PDE6C: variants seen among roughly 807,000 people sequenced by gnomAD.
PDE6C encodes phosphodiesterase 6C.
Under a neutral mutation model 113.1 loss-of-function variants are expected in PDE6C, and 75 were observed. The ratio of observed to expected loss-of-function variants is 0.66; its 90% CI spans 0.55 to 0.80. The LOEUF (loss-of-function observed/expected upper bound fraction) is 0.80, where lower values mean the gene tolerates loss of function less well. Ranked by LOEUF, PDE6C falls within the 30% of genes least tolerant of loss-of-function variation. The pLI is 0.00. For synonymous variants in PDE6C, 375 were observed against 363.7 expected (o/e 1.03, Z -0.35); for missense variants, 912 against 1,038.6 (o/e 0.88, Z 1.67).
In PDE6C at chr10:93,665,865, AT is replaced by A. The variant is rs1254241315; in HGVS notation, c.*448del. 1.2e-5 allele frequency: 3 copies of A among 251,428 alleles called. No homozygotes were observed. Among genetic ancestry groups the A allele is most frequent in the Non-Finnish European group, 2.3e-5 (3 of 130,712 alleles). 15.6% of individuals were successfully genotyped at this position (251,428 alleles called of 1,614,324 possible). A position where few individuals can be genotyped will look rare whatever the true frequency, so the allele number is the denominator to read the frequency against. Reference sequence around the variant, plus strand: ...CTCTCAACTTGGTTTGCAGATGGCCATCTTCTCCCTGTGTCTTCACATGGTC... The same window carrying A: ...CTCTCAACTTGGTTTGCAGATGGCCACTTCTCCCTGTGTCTTCACATGGTC... On this transcript the variant is annotated 3_prime_UTR_variant, in exon 22 of 22. Coordinates refer to ENST00000371447, the MANE Select transcript of PDE6C (RefSeq NM_006204.4).
intron 11 of PDE6C, among the ~76,000 whole-genome samples, chr10:93,637,277 T>A (rs907728814): frequency 3.3e-5 from 5 of 152,234 alleles, no homozygotes; most frequent in Non-Finnish European, 7.3e-5. Context: ...TTCATACAGA[T>A]AATTTACAAT....
Position 93,648,760 on chromosome 10 carries a change from T to G in PDE6C, c.1935+2713T>G, listed in dbSNP as rs756664603. ...GCCAAATTTGCACAAGTATAAATTT[T>G]AATACTAGAATATACTGTAGAAATG... On this transcript the variant is annotated intron_variant, in intron 15 of 21. Coordinates refer to ENST00000371447, the MANE Select transcript of PDE6C (RefSeq NM_006204.4). Among the ~76,000 whole-genome samples the G allele has an allele frequency of 6.6e-5, 10 of 152,216 alleles. No individual in the cohort carries two copies. The South Asian group carries it at 1.0e-3, about 16-fold the overall frequency.
At position 93,665,625 on chromosome 10, in the gene PDE6C, C is replaced by T. The variant is rs1429648195; in HGVS notation, c.*207C>T. On this transcript the variant is annotated 3_prime_UTR_variant, in exon 22 of 22. Transcript: ENST00000371447. Reference sequence around the variant, plus strand: ...GTGCAAAATATGACAAAAATAGGTACATTTTTGGTGCCAATTTATTTTAAA... The same window carrying T: ...GTGCAAAATATGACAAAAATAGGTATATTTTTGGTGCCAATTTATTTTAAA... The T allele has an allele frequency of 7.1e-6, 4 of 562,840 alleles. No homozygotes were observed. Among genetic ancestry groups the T allele is most frequent in the African/African-American group, 1.9e-5 (1 of 52,924 alleles). 34.9% of individuals were successfully genotyped at this position (562,840 alleles called of 1,614,324 possible).
intron 15 of PDE6C, among the ~76,000 whole-genome samples, chr10:93,653,200 G>A (rs2058617238): frequency 6.6e-6 from 1 of 152,044 alleles, no homozygotes; most frequent in South Asian, 2.1e-4. Flanking sequence ...CCAAAATCAG[G>A]GGCAGGTTAA....
chr10:93,636,384 G>GTT (rs1554890071), intron 10 of PDE6C, among the ~76,000 whole-genome samples: 1 of 149,220 alleles, frequency 6.7e-6, no homozygotes, highest in Admixed American at 6.6e-5. Context: ...GTGTGTGTGT[G>GTT]TGTGTGTGTG....
intron 15 of PDE6C, among the ~76,000 whole-genome samples, chr10:93,654,903 C>A (rs544059826): frequency 6.6e-6 from 1 of 151,244 alleles, no homozygotes; most frequent in African/African-American, 2.4e-5. Context: ...CAGTCCCCAG[C>A]GTTAAGCAAT....
At chr10:93,614,609 C>G (rs2058411348) in intron 1 of PDE6C, among the ~76,000 whole-genome samples, 1 of 152,154 alleles carries the variant, frequency 6.6e-6, no homozygotes, top group Non-Finnish European at 1.5e-5. Context: ...GCTAGCACAT[C>G]AAACTTGAAA....
At chr10:93,664,999 G>A (rs932464474) in intron 21 of PDE6C, among the ~76,000 whole-genome samples, 1 of 152,124 alleles carries the variant, frequency 6.6e-6, no homozygotes, top group African/African-American at 2.4e-5. Flanking sequence ...CTCCTGAGTA[G>A]CTGGGATTAC....
At chr10:93,661,630 G>A (rs543380865) in intron 18 of PDE6C, among the ~76,000 whole-genome samples, 40 of 152,204 alleles carry the variant, frequency 2.6e-4, no homozygotes, top group Admixed American at 1.3e-3. Context: ...AATTAATGCT[G>A]GAATATCCTC....
At chr10:93,624,628 G>A (rs2058463659) in intron 4 of PDE6C, among the ~76,000 whole-genome samples, 1 of 152,184 alleles carries the variant, frequency 6.6e-6, no homozygotes, top group African/African-American at 2.4e-5. Flanking sequence ...AGCACTAGGA[G>A]AGCTGGGTTC....
At position 93,620,687 on chromosome 10, in the gene PDE6C, T is replaced by C; in HGVS notation, c.536T>C (p.Leu179Pro). Residue 179 changes from leucine (L) to proline (P), a missense_variant, in exon 2 of 22, where the codon CTG (leucine) becomes CCG (proline). Leu to Pro is a moderately conservative substitution (Grantham distance 98). Transcript: ENST00000371447. ...DKQTGYVTKN[L>P]LATPIVVGKE... ...CAAACTGGGTATGTCACTAAGAACC[T>C]GCTGGCAACCCCGATCGTGGTGGGC... 1.9e-6 allele frequency: 3 copies of C among 1,614,200 alleles called. No homozygotes were observed. Among genetic ancestry groups the C allele is most frequent in the Non-Finnish European group, 2.5e-6 (3 of 1,180,010 alleles).
At chr10:93,630,827 G>A (rs1264658627) in intron 8 of PDE6C, among the ~76,000 whole-genome samples, 1 of 152,132 alleles carries the variant, frequency 6.6e-6, no homozygotes, top group Non-Finnish European at 1.5e-5. Context: ...TTTGCCGATT[G>A]ACATGGAAAA....
intron 15 of PDE6C, among the ~76,000 whole-genome samples, chr10:93,651,808 G>A (rs2058610673): frequency 6.6e-6 from 1 of 152,148 alleles, no homozygotes; most frequent in South Asian, 2.1e-4. Flanking sequence ...AATATCAGAA[G>A]TCAATACAAA....
chr10:93,629,042 T>C (rs1387112004), intron 7 of PDE6C, among the ~76,000 whole-genome samples: 1 of 152,130 alleles, frequency 6.6e-6, no homozygotes. Context: ...GCAGAGACGG[T>C]ACCACATATC....
chr10:93,629,193 C>A, intron 7 of PDE6C, 65 bp from the exon 8 acceptor site: 3 of 1,292,652 alleles, frequency 2.3e-6, no homozygotes, highest in Non-Finnish European at 3.4e-6. Context: ...TCTTATTCTG[C>A]TTTGTGGATC....
At chr10:93,654,778 CTTTCTT>C (rs1554891559) in intron 15 of PDE6C, among the ~76,000 whole-genome samples, 36 of 60,364 alleles carry the variant, frequency 6.0e-4, no homozygotes, top group African/African-American at 2.1e-3. Flanking sequence ...TTCTTTCTTT[CTTTCTT>C]TCTTTCTTTC....
intron 15 of PDE6C, 74 bp downstream of exon 15, chr10:93,646,121 A>G (rs376500943): frequency 1.2e-5 from 11 of 892,386 alleles, no homozygotes; most frequent in African/African-American, 3.3e-5. Flanking sequence ...AAATGCTTGG[A>G]AAAAGGGTGG....
intron 15 of PDE6C, among the ~76,000 whole-genome samples, chr10:93,653,360 G>T (rs1321603482): frequency 6.6e-6 from 1 of 152,000 alleles, no homozygotes; most frequent in Non-Finnish European, 1.5e-5. Context: ...ATTGATTCGG[G>T]GTCCAGGCAC....
chr10:93,640,490 G>A lies in PDE6C; in HGVS notation c.1670G>A (p.Arg557Gln), dbSNP rs201309785. 61 of 1,613,638 alleles carry A rather than the reference G, an allele frequency of 3.8e-5. No homozygotes were observed. The highest frequency in any genetic ancestry group is 4.0e-5 in the African/African-American group (3 of 74,878). ...ATGTACACTGTGAGGAAAGGGTACC[G>A]AGCTGTCACTTACCACAATTGGCGG... is the stretch of plus-strand genomic sequence containing the variant. ...RWMYTVRKGY[R>Q]AVTYHNWRHG... Residue 557 changes from arginine to glutamine, a missense_variant, in exon 13 of 22, where the codon CGA becomes CAA. Physicochemically the swap from Arg to Gln is conservative, Grantham distance 43. Transcript: ENST00000371447.
Sources: allele counts gnomAD v4.1 joint callset (sites outside exome capture counted in the v4.1 genomes callset), GRCh38; gene constraint gnomAD v4.1.1; transcripts MANE v1.5; gene names NCBI Gene and HGNC (gene_info 2026-07-23, HGNC 2026-07-21).